The following ZWILCH variants were observed in gnomAD, a reference collection of about 807,000 sequenced individuals.
ZWILCH encodes the protein zwilch kinetochore protein, also known as protein zwilch homolog.
ZWILCH carries 74 observed loss-of-function variants against 79.9 expected under a neutral mutation model. The ratio of observed to expected loss-of-function variants is 0.93; its 90% CI spans 0.77 to 1.12. The LOEUF is 1.12. Ranked by LOEUF, ZWILCH falls within the 50% of genes most tolerant of loss-of-function variation. The pLI, the probability that ZWILCH is intolerant of heterozygous loss-of-function variation, is 0.00. For missense variants in ZWILCH, 694 were observed against 687.5 expected (o/e 1.01, Z -0.11); for synonymous variants, 241 against 228.2 (o/e 1.06, Z -0.51).
intron 17 of ZWILCH, among the ~76,000 whole-genome samples, chr15:66,540,682 G>A (rs1895165546): frequency 1.3e-5 from 2 of 150,112 alleles, no homozygotes; most frequent in Admixed American, 1.3e-4. Flanking sequence ...AGGCTGGAGT[G>A]CAGTGGCACC....
intron 18 of ZWILCH, chr15:66,547,202 T>C (rs1370761757): frequency 7.2e-6 from 1 of 139,380 alleles, no homozygotes; most frequent in Non-Finnish European, 1.6e-5. Flanking sequence ...TTTTTTTTTT[T>C]TTTTTTTTTT....
chr15:66,519,235 C>A, intron 5 of ZWILCH, 157 bp downstream of exon 5: 1 of 672,184 alleles, frequency 1.5e-6, no homozygotes, highest in Non-Finnish European at 2.5e-6. Context: ...TAACTTGCAG[C>A]ATGTGGGAGG....
chr15:66,539,213 G>A (rs1895116956), intron 16 of ZWILCH, among the ~76,000 whole-genome samples: 1 of 151,860 alleles, frequency 6.6e-6, no homozygotes, highest in Non-Finnish European at 1.5e-5. Flanking sequence ...CGATAGCCTG[G>A]GCAACACGGT....
Position 66,528,861 on chromosome 15 carries a change from C to T in ZWILCH, c.979C>T (p.His327Tyr). ...KKDTEVETLK[H>Y]DTAAVDRSVK... ...GTTGCTTCTTTTTCAGACCTTGAAG[C>T]ATGACACTGCTGCAGTCGATCGTTC... Residue 327 changes from histidine (H) to tyrosine (Y), a missense_variant, in exon 11 of 19, where the codon CAT (histidine) becomes TAT (tyrosine). Coordinates refer to ENST00000307897, the MANE Select transcript of ZWILCH (RefSeq NM_017975.5). The T allele has an allele frequency of 6.2e-7, 1 of 1,613,694 alleles. No homozygotes were observed. The highest frequency in any genetic ancestry group is 8.5e-7 in the Non-Finnish European group (1 of 1,179,702).
chr15:66,532,192 G>T (rs1040051274), intron 12 of ZWILCH, 55 bp from the exon 13 acceptor site: 84 of 1,370,232 alleles, frequency 6.1e-5, no homozygotes, highest in Non-Finnish European at 7.8e-5. Flanking sequence ...TCTTTTACTT[G>T]TTGGGTTTAT....
At chr15:66,519,233 A>G in intron 5 of ZWILCH, 155 bp downstream of exon 5, 1 of 674,008 alleles carries the variant, frequency 1.5e-6, no homozygotes, top group East Asian at 2.7e-5. Flanking sequence ...TGTAACTTGC[A>G]GCATGTGGGA....
intron 6 of ZWILCH, 52 bp from the exon 7 acceptor site, chr15:66,520,998 C>G: frequency 1.9e-6 from 3 of 1,591,078 alleles, no homozygotes; most frequent in South Asian, 2.3e-5. Context: ...GTAATGGACT[C>G]TTGGCCATGT....
At chr15:66,509,449 T>C (rs1195526765) in intron 2 of ZWILCH, among the ~76,000 whole-genome samples, 1 of 152,148 alleles carries the variant, frequency 6.6e-6, no homozygotes, top group African/African-American at 2.4e-5. Flanking sequence ...TCTGGCTTCT[T>C]TCAATTAGTA....
intron 1 of ZWILCH, among the ~76,000 whole-genome samples, chr15:66,508,401 T>C (rs1893906666): frequency 6.6e-6 from 1 of 152,238 alleles, no homozygotes; most frequent in Admixed American, 6.5e-5. Context: ...CATAGAAATC[T>C]AAGGCCTAGG....
At position 66,536,053 on chromosome 15, in the gene ZWILCH, C is replaced by T. The variant is rs755451520; in HGVS notation, c.1462C>T (p.Leu488Phe). The T allele has an allele frequency of 2.5e-6, 4 of 1,606,454 alleles. No individual in the cohort carries two copies. Among genetic ancestry groups the T allele is most frequent in the South Asian group, 2.2e-5 (2 of 89,394 alleles). The change falls in exon 15 of 19, where the codon CTC becomes TTC. Residue 488 changes from leucine (L) to phenylalanine (F), a missense_variant. Leu to Phe is a conservative substitution (Grantham distance 22). Transcript: ENST00000307897. The stretch of plus-strand genomic sequence containing the variant: ...TTTCATTAAATCTCAACATGAACTC[C>T]TCTTTTCTTTAACACAGTAAGTACA... ...MPFIKSQHEL[L>F]FSLTQICIKY...
chr15:66,523,619 T>A, intron 7 of ZWILCH, 58 bp from the exon 8 acceptor site: 2 of 1,091,680 alleles, frequency 1.8e-6, no homozygotes, highest in Admixed American at 1.9e-5. Flanking sequence ...AGTATAACAC[T>A]TATGTAGAGA....
chr15:66,544,718 TG>T (rs1193699404), intron 17 of ZWILCH, among the ~76,000 whole-genome samples: 3,629 of 54,694 alleles, frequency 0.066, 153 homozygotes, highest in African/African-American at 0.24. Flanking sequence ...GTTGTTTTTT[TG>T]GTTTTTGTGT....
rs990260568 is a variant in ZWILCH at position 66,532,487 on chromosome 15, T to C, written c.1312+84T>C. 2.0e-4 allele frequency: 260 copies of C among 1,291,226 alleles called. 2 individuals carry two copies. Among genetic ancestry groups the C allele is most frequent in the African/African-American group, 4.5e-5 (3 of 66,346 alleles). The allele number at this position is 1,291,226 out of a possible 1,614,324, so 80.0% of individuals were successfully genotyped here. ...TATTCTCGGATTTTCTGTTTCTGCT[T>C]GTCCCTCATCGTCTGTAGTCCTTCC... is the stretch of plus-strand genomic sequence containing the variant. On this transcript the variant is annotated intron_variant, in intron 13 of 18. Coordinates refer to ENST00000307897, the MANE Select transcript of ZWILCH (RefSeq NM_017975.5).
chr15:66,513,911 A>C, intron 2 of ZWILCH, 77 bp from the exon 3 acceptor site: 1 of 1,180,406 alleles, frequency 8.5e-7, no homozygotes, highest in Non-Finnish European at 1.2e-6. Context: ...TGACTTGCAT[A>C]GAACTGGTCT....
In ZWILCH at chr15:66,518,108, C is replaced by A. The variant is rs1595908353; in HGVS notation, c.321-771C>A. Among the ~76,000 whole-genome samples the A allele has an allele frequency of 2.0e-5, 3 of 151,948 alleles. No homozygotes were observed. The South Asian group carries it at 6.2e-4, about 32-fold the overall frequency. On this transcript the variant is annotated intron_variant, in intron 4 of 18. Transcript: ENST00000307897. ...TACTGAACTTCCACTCCTGCTGAACCCCCAATCCTTGCCATATTGAAGCTC... is the reference window on the plus strand; with the variant it reads ...TACTGAACTTCCACTCCTGCTGAACACCCAATCCTTGCCATATTGAAGCTC...
chr15:66,514,175 C>A, intron 3 of ZWILCH, 92 bp downstream of exon 3: 2 of 836,208 alleles, frequency 2.4e-6, no homozygotes, highest in Non-Finnish European at 1.9e-6. Flanking sequence ...TTAAAATCAG[C>A]ATCGGTGAAA....
intron 1 of ZWILCH, 50 bp downstream of exon 1, chr15:66,505,441 C>T (rs201764139): frequency 3.0e-4 from 477 of 1,603,632 alleles, no homozygotes; most frequent in Middle Eastern, 8.3e-4. Flanking sequence ...GCACTTCTTT[C>T]CCTGGGTGTC....
At chr15:66,544,700 G>GT (rs1179418953) in intron 17 of ZWILCH, among the ~76,000 whole-genome samples, 1 of 116,762 alleles carries the variant, frequency 8.6e-6, no homozygotes, top group African/African-American at 3.6e-5. Flanking sequence ...AAAATGCCTT[G>GT]TTTTTTTGTT....
chr15:66,523,543 AT>A (rs1462422046), intron 7 of ZWILCH, 133 bp from the exon 8 acceptor site: 3 of 618,372 alleles, frequency 4.9e-6, no homozygotes, highest in Non-Finnish European at 8.6e-6. Flanking sequence ...TGTTGACCTC[AT>A]TTTTCAATTC....
Sources: allele counts gnomAD v4.1 joint callset (sites outside exome capture counted in the v4.1 genomes callset), GRCh38; gene constraint gnomAD v4.1.1; transcripts MANE v1.5; gene names NCBI Gene and HGNC (gene_info 2026-07-23, HGNC 2026-07-21).